The following XIRP2 variants were observed in gnomAD, a reference collection of about 807,000 sequenced individuals.
The protein encoded by XIRP2 is xin actin-binding repeat-containing protein 2.
A neutral mutation model predicts 277.0 loss-of-function variants in XIRP2; 236 were observed. That is an observed-to-expected ratio of 0.85 (90% CI 0.77 to 0.95). XIRP2 has a LOEUF of 0.95. XIRP2 is among the 40% of genes least tolerant of loss of function. XIRP2 has a pLI of 0.00. For missense variants in XIRP2, 4,640 were observed against 4,157.5 expected, an observed-to-expected ratio of 1.12 and a Z score of -3.19; for synonymous variants, 1,490 against 1,416.5, an observed-to-expected ratio of 1.05 and a Z score of -1.17.
intron 2 of XIRP2, among the ~76,000 whole-genome samples, chr2:167,125,881 C>T (rs893439514): frequency 2.6e-5 from 4 of 152,264 alleles, no homozygotes; most frequent in East Asian, 1.9e-4. Flanking sequence ...TTTCATCTAA[C>T]GTGGGCCAGG....
intron 5 of XIRP2, among the ~76,000 whole-genome samples, chr2:167,221,253 A>G (rs1236316504): frequency 6.6e-6 from 1 of 151,996 alleles, no homozygotes; most frequent in Admixed American, 6.6e-5. Context: ...TGGGCAGATC[A>G]CCTGAATTCA....
At chr2:167,019,245 G>A (rs1260834245) in intron 2 of XIRP2, among the ~76,000 whole-genome samples, 3 of 151,946 alleles carry the variant, frequency 2.0e-5, no homozygotes, top group Non-Finnish European at 4.4e-5. Flanking sequence ...TTCAGTCCCT[G>A]CTGTTATAAA....
chr2:167,167,915 C>T (rs1317327785), intron 3 of XIRP2, among the ~76,000 whole-genome samples: 3 of 151,988 alleles, frequency 2.0e-5, no homozygotes, highest in African/African-American at 7.3e-5. Flanking sequence ...ATATTTCTTC[C>T]AACACAATTC....
rs1471818295 is a variant in XIRP2 at position 167,135,925 on chromosome 2, G to A, written c.425G>A (p.Arg142Gln). 9.4e-6 allele frequency: 15 copies of A among 1,600,308 alleles called. No individual in the cohort carries two copies. The highest frequency in any genetic ancestry group is 6.7e-5 in the South Asian group (6 of 89,120). Residue 142 changes from arginine (R) to glutamine (Q), a missense_variant, in exon 3 of 11, where the codon CGA becomes CAA. Transcript: ENST00000409195. ...EYGGKEVEIE[R>Q]SLCSPAFKSH... ...TTGTAACAGGAAGTGGAAATTGAGC[G>A]AAGTTTGTGCTCGCCAGCTTTTAAG...
intron 2 of XIRP2, among the ~76,000 whole-genome samples, chr2:167,084,687 G>A (rs1010642361): frequency 1.3e-5 from 2 of 152,040 alleles, no homozygotes; most frequent in Non-Finnish European, 2.9e-5. Context: ...TATGTGTTGA[G>A]GAATTTATCC....
chr2:166,973,771 C>T (rs1248543053), intron 2 of XIRP2, among the ~76,000 whole-genome samples: 1 of 152,104 alleles, frequency 6.6e-6, no homozygotes, highest in Non-Finnish European at 1.5e-5. Context: ...TAAAGAAGAA[C>T]CTTAGCCCAA....
At chr2:167,212,356 T>C (rs181783311) in intron 4 of XIRP2, among the ~76,000 whole-genome samples, 42 of 152,306 alleles carry the variant, frequency 2.8e-4, no homozygotes, top group Non-Finnish European at 3.7e-4. Flanking sequence ...TAGTAAACAA[T>C]ATTTGATTTA....
chr2:166,889,928 G>A (rs1231921143), intron 1 of XIRP2: 2 of 102,392 alleles, frequency 2.0e-5, no homozygotes, highest in Non-Finnish European at 5.1e-5. Flanking sequence ...AATGAATGGT[G>A]TTGTGTCTTC....
chr2:167,107,433 A>G (rs1690644728), intron 2 of XIRP2, among the ~76,000 whole-genome samples: 1 of 151,736 alleles, frequency 6.6e-6, no homozygotes. Context: ...TTTTCTTGAC[A>G]ATTTTCTGCA....
At chr2:166,939,738 A>G (rs191218456) in intron 2 of XIRP2, among the ~76,000 whole-genome samples, 87 of 151,858 alleles carry the variant, frequency 5.7e-4, no homozygotes, top group Middle Eastern at 3.4e-3. Context: ...AAAAAAACAA[A>G]GAAAATTCAT....
At chr2:167,098,656 G>A (rs1353407350) in intron 2 of XIRP2, among the ~76,000 whole-genome samples, 1 of 152,162 alleles carries the variant, frequency 6.6e-6, no homozygotes, top group East Asian at 1.9e-4. Context: ...TTTTTGCATG[G>A]GCTTTTCCTC....
chr2:167,045,908 T>C (rs1574200956), intron 2 of XIRP2, among the ~76,000 whole-genome samples: 1 of 152,122 alleles, frequency 6.6e-6, no homozygotes, highest in East Asian at 1.9e-4. Flanking sequence ...CCATTCAGTA[T>C]GATGTTGACT....
In XIRP2 at chr2:167,245,200, G is replaced by T; in HGVS notation, c.3808G>T (p.Gly1270Trp). The T allele has an allele frequency of 6.2e-7, 1 of 1,613,702 alleles. No homozygotes were observed. The change falls in exon 9 of 11, where the codon GGG (glycine) becomes TGG (tryptophan). Residue 1270 changes from glycine to tryptophan, a missense_variant. Transcript: ENST00000409195. Reference sequence around the variant, plus strand: ...TAAGACGGTGACAGACATACAAGGTGGGGATGTAAGAAAGGGGTGCTTTAT... The same window carrying T: ...TAAGACGGTGACAGACATACAAGGTTGGGATGTAAGAAAGGGGTGCTTTAT... ...CVKTVTDIQG[G>W]DVRKGCFIFE...
At chr2:166,949,934 C>T (rs1021303604) in intron 2 of XIRP2, among the ~76,000 whole-genome samples, 1 of 151,928 alleles carries the variant, frequency 6.6e-6, no homozygotes, top group Non-Finnish European at 1.5e-5. Flanking sequence ...CAAATATATT[C>T]TTTTTTTCCC....
At chr2:167,187,169 A>T (rs1573941802) in intron 3 of XIRP2, 7 of 847,838 alleles carry the variant, frequency 8.3e-6, no homozygotes, top group Non-Finnish European at 9.9e-6. Flanking sequence ...TGTGGAAGGG[A>T]GTTTGATTGA....
chr2:167,214,068 TAGAA>T (rs1254348860), intron 4 of XIRP2, among the ~76,000 whole-genome samples: 5 of 71,214 alleles, frequency 7.0e-5, no homozygotes, highest in African/African-American at 2.7e-4. Context: ...AAATACAAAA[TAGAA>T]AGGAAGGAAG....
At position 167,245,652 on chromosome 2, in the gene XIRP2, A is replaced by C; in HGVS notation, c.4260A>C (p.Thr1420=). The change falls in exon 9 of 11, where the codon ACA becomes ACC. Residue 1420 remains threonine, a synonymous_variant. Coordinates refer to ENST00000409195, the MANE Select transcript of XIRP2 (RefSeq NM_152381.6). ...IDHIQGGNVK[T]SRQFFESENF... The stretch of plus-strand genomic sequence containing the variant: ...ATATACAAGGTGGCAATGTAAAGAC[A>C]AGTAGACAATTCTTTGAGTCTGAAA... 2.5e-6 allele frequency: 4 copies of C among 1,613,654 alleles called. No homozygotes were observed. Among genetic ancestry groups the C allele is most frequent in the Non-Finnish European group, 3.4e-6 (4 of 1,179,724 alleles).
At chr2:166,935,054 T>C (rs556857320) in intron 2 of XIRP2, among the ~76,000 whole-genome samples, 1 of 151,360 alleles carries the variant, frequency 6.6e-6, no homozygotes, top group East Asian at 1.9e-4. Context: ...GCACAATGTG[T>C]GTGTAGATGC....
Position 167,049,076 on chromosome 2 carries a change from A to G in XIRP2, c.409-86833A>G, listed in dbSNP as rs80131089. On this transcript the variant is annotated intron_variant, in intron 2 of 10. Transcript: ENST00000409195. Reference sequence around the variant, plus strand: ...TGCCTGGAGGGGAAAAGTAGTATACAAATTTTGGAGCTTACTTCAATGAGT... The same window carrying G: ...TGCCTGGAGGGGAAAAGTAGTATACGAATTTTGGAGCTTACTTCAATGAGT... Among the ~76,000 whole-genome samples, 297 of 151,976 alleles carry G rather than the reference A, an allele frequency of 2.0e-3. 12 individuals are homozygous for G. The East Asian group carries it at 0.041, about 21-fold the overall frequency.
Sources: gnomAD v4.1 joint callset for allele counts (sites outside exome capture counted in the v4.1 genomes callset) on GRCh38, gnomAD v4.1.1 for gene constraint, MANE v1.5 for transcripts, NCBI Gene and HGNC (gene_info 2026-07-23, HGNC 2026-07-21) for gene names.